SOD2: variants seen among roughly 807,000 people sequenced by gnomAD.
SOD2 encodes superoxide dismutase [Mn], mitochondrial.
Under a neutral mutation model 27.0 loss-of-function variants are expected in SOD2, and 11 were observed. The ratio of observed to expected loss-of-function variants is 0.41; its 90% confidence interval spans 0.26 to 0.67. The LOEUF is 0.67. Ranked by LOEUF, SOD2 falls within the 30% of genes least tolerant of loss-of-function variation. SOD2 has a pLI of 0.34. For synonymous variants in SOD2, 105 were observed against 103.0 expected (o/e 1.02, Z -0.12); for missense variants, 250 against 274.5 (o/e 0.91, Z 0.63).
upstream of SOD2, among the ~76,000 whole-genome samples, chr6:159,727,966 C>T (rs1053154709): frequency 1.3e-5 from 2 of 152,236 alleles, no homozygotes; most frequent in African/African-American, 2.4e-5. Flanking sequence ...ACCGGCCACT[C>T]ACGGAGGCCG....
At chr6:159,731,814 G>A (rs1302328883), upstream of SOD2, among the ~76,000 whole-genome samples, 1 of 152,186 alleles carries the variant, frequency 6.6e-6, no homozygotes, top group Non-Finnish European at 1.5e-5. Context: ...TATTTGCAAA[G>A]TTGACAACCT....
At chr6:159,762,112 G>C in exon 1 of SOD2, 1 of 1,613,292 alleles carries the variant, frequency 6.2e-7, no homozygotes, top group East Asian at 2.2e-5. Context: ...AGATCCTGTG[G>C]TCATCGTCTC....
At chr6:159,758,588 T>C (rs1780061988) in intron 1 of SOD2, among the ~76,000 whole-genome samples, 1 of 152,138 alleles carries the variant, frequency 6.6e-6, no homozygotes, top group South Asian at 2.1e-4. Context: ...GTCTTGGGAG[T>C]TCACCTATCC....
chr6:159,687,747 G>C (rs1780258130), intron 3 of SOD2, among the ~76,000 whole-genome samples: 1 of 152,008 alleles, frequency 6.6e-6, no homozygotes, highest in South Asian at 2.1e-4. Flanking sequence ...GGTGGCTCAT[G>C]CCTGTAATCC....
At chr6:159,744,970 C>T (rs769483447) in intron 1 of SOD2, among the ~76,000 whole-genome samples, 4 of 152,314 alleles carry the variant, frequency 2.6e-5, no homozygotes, top group Admixed American at 1.3e-4. Flanking sequence ...TGTGAGCCAT[C>T]GCACCTGGCC....
rs1779759654 is a variant in SOD2 at position 159,675,545 on chromosome 6, A to G, written c.*6948T>C. On this transcript the variant is annotated 3_prime_UTR_variant, in exon 5 of 5. Transcript: ENST00000538183. Reference sequence around the variant, plus strand: ...GGTGCTGGGAAAACTGGCTAGCCACATGTAGAAAGCTGAAACTGGATCCCT... The same window carrying G: ...GGTGCTGGGAAAACTGGCTAGCCACGTGTAGAAAGCTGAAACTGGATCCCT... 6.6e-6 allele frequency: 1 copy of G among 152,228 alleles called. No homozygotes were observed. The highest frequency in any genetic ancestry group is 6.5e-5 in the Admixed American group (1 of 15,282). 9.4% of individuals were successfully genotyped at this position (152,228 alleles called of 1,614,324 possible).
intron 1 of SOD2, chr6:159,739,021 T>C: frequency 1.2e-6 from 2 of 1,612,144 alleles, no homozygotes; most frequent in Non-Finnish European, 8.5e-7. Context: ...TTCAAAGTTA[T>C]GGCAAGAGAT....
intron 1 of SOD2, among the ~76,000 whole-genome samples, chr6:159,753,154 C>G (rs941512574): frequency 6.6e-6 from 1 of 152,094 alleles, no homozygotes; most frequent in East Asian, 1.9e-4. Context: ...TTAACTGGCT[C>G]TGTTTCCATT....
upstream of SOD2, chr6:159,727,439 T>C (rs1480431324): frequency 2.1e-5 from 22 of 1,057,902 alleles, no homozygotes; most frequent in Non-Finnish European, 2.5e-5. Flanking sequence ...TCGGACCGGC[T>C]GTGGGGCGGG....
chr6:159,736,306 T>C (rs762498568), intron 1 of SOD2: 1 of 1,604,374 alleles, frequency 6.2e-7, no homozygotes, highest in South Asian at 1.1e-5. Flanking sequence ...GTATGGGTTT[T>C]GGTTTTGGGT....
chr6:159,746,040 GA>G (rs1483033627), upstream of SOD2, among the ~76,000 whole-genome samples: 6 of 152,146 alleles, frequency 3.9e-5, no homozygotes, highest in Non-Finnish European at 5.9e-5. Flanking sequence ...GTGGTGTTAG[GA>G]AAACAGGAAA....
chr6:159,752,486 G>A (rs1346318627), intron 1 of SOD2, among the ~76,000 whole-genome samples: 1 of 152,066 alleles, frequency 6.6e-6, no homozygotes, highest in Non-Finnish European at 1.5e-5. Flanking sequence ...CAATTGCTAT[G>A]TATGTGCACA....
At chr6:159,712,920 A>C in intron 1 of SOD2, 1 of 646,774 alleles carries the variant, frequency 1.5e-6, no homozygotes, top group Non-Finnish European at 2.8e-6. Flanking sequence ...ATAGCATTTA[A>C]AAAGGTCTCC....
intron 1 of SOD2, among the ~76,000 whole-genome samples, chr6:159,708,349 C>T (rs1466919711): frequency 5.3e-5 from 8 of 152,124 alleles, no homozygotes; most frequent in South Asian, 2.1e-4. Flanking sequence ...GCAGATGACA[C>T]GATTGTGTAT....
At chr6:159,685,311 C>T (rs939244110) in intron 3 of SOD2, among the ~76,000 whole-genome samples, 13 of 136,166 alleles carry the variant, frequency 9.5e-5, no homozygotes, top group African/African-American at 3.0e-4. Flanking sequence ...GCCATGATCT[C>T]GGGTCACTGC....
At chr6:159,757,246 T>C (rs1780034329) in intron 1 of SOD2, among the ~76,000 whole-genome samples, 1 of 152,200 alleles carries the variant, frequency 6.6e-6, no homozygotes, top group African/African-American at 2.4e-5. Context: ...TAACTTGTAA[T>C]ACAATCAAGG....
chr6:159,726,731 GAAC>G (rs1307551577), intron 1 of SOD2: 2 of 1,275,884 alleles, frequency 1.6e-6, no homozygotes, highest in South Asian at 1.2e-5. Flanking sequence ...CGACGCCAGA[GAAC>G]AATAGCTCCT....
intron 1 of SOD2, among the ~76,000 whole-genome samples, chr6:159,733,466 CA>C (rs11320721): frequency 0.78 from 117,956 of 151,962 alleles, 46,079 homozygotes; most frequent in South Asian, 0.85. Context: ...AAAAAAATTA[CA>C]AAAAATTAAC....
chr6:159,724,075 CTTT>C (rs903877365), intron 1 of SOD2, among the ~76,000 whole-genome samples: 1 of 151,852 alleles, frequency 6.6e-6, no homozygotes, highest in African/African-American at 2.4e-5. Flanking sequence ...ATACTACAGA[CTTT>C]TTTTTTCTGA....
Sources: gnomAD v4.1 joint callset for allele counts (sites outside exome capture counted in the v4.1 genomes callset) on GRCh38, gnomAD v4.1.1 for gene constraint, MANE v1.5 for transcripts, NCBI Gene and HGNC (gene_info 2026-07-23, HGNC 2026-07-21) for gene names.